The following CHST8 variants were observed in gnomAD, a reference collection of about 807,000 sequenced individuals.
CHST8 encodes GALNAC-4-ST1.
In CHST8, 10 loss-of-function variants were observed where a neutral mutation model predicts 15.0. The ratio of observed to expected loss-of-function variants is 0.67; its 90% CI spans 0.41 to 1.13. The LOEUF is 1.13. CHST8 is among the 50% of genes most tolerant of loss of function. CHST8 has a pLI of 0.00. For synonymous variants in CHST8, 259 were observed against 256.6 expected (o/e 1.01, Z -0.09); for missense variants, 634 against 608.2 (o/e 1.04, Z -0.45).
intron 1 of CHST8, among the ~76,000 whole-genome samples, chr19:33,653,542 C>CA (rs1972474702): frequency 6.6e-6 from 1 of 152,276 alleles, no homozygotes; most frequent in South Asian, 2.1e-4. Context: ...ATCATCTCTT[C>CA]AAATAGTTCC....
chr19:33,765,053 C>CATAT lies in CHST8; in HGVS notation c.131-6343_131-6340dup, dbSNP rs72103213. Among the ~76,000 whole-genome samples the CATAT allele has an allele frequency of 1.5e-3, 134 of 87,658 alleles. 16 individuals carry two copies. Among genetic ancestry groups the CATAT allele is most frequent in the Middle Eastern group, 4.5e-3 (1 of 222 alleles). The allele number at this position is 87,658 out of a possible 152,430, so 57.5% of individuals were successfully genotyped here. A position where few individuals can be genotyped will look rare whatever the true frequency, so the allele number is the denominator to read the frequency against. ...TTTTTATGGCTAAGTACTATTCCAT[C>CATAT]ATATATATATATATATATATCAGAG... On this transcript the variant is annotated intron_variant, in intron 3 of 4. Coordinates refer to ENST00000650847, the MANE Select transcript of CHST8 (RefSeq NM_001127895.2).
chr19:33,745,025 G>A (rs1385798674), intron 3 of CHST8, among the ~76,000 whole-genome samples: 1 of 152,202 alleles, frequency 6.6e-6, no homozygotes, highest in Non-Finnish European at 1.5e-5. Context: ...GGGATTACAG[G>A]CATGAGCCAC....
At chr19:33,669,693 C>T (rs1972710809) in intron 2 of CHST8, among the ~76,000 whole-genome samples, 1 of 152,114 alleles carries the variant, frequency 6.6e-6, no homozygotes, top group South Asian at 2.1e-4. Flanking sequence ...CTTAACTTGG[C>T]AAAGAAACTG....
chr19:33,675,484 G>C (rs73591044), intron 2 of CHST8, among the ~76,000 whole-genome samples: 1 of 152,200 alleles, frequency 6.6e-6, no homozygotes, highest in South Asian at 2.1e-4. Context: ...TGATGAGCTG[G>C]GTTTTCTGTT....
At chr19:33,650,485 T>C (rs1403358417) in intron 1 of CHST8, among the ~76,000 whole-genome samples, 2 of 148,630 alleles carry the variant, frequency 1.3e-5, no homozygotes, top group African/African-American at 2.5e-5. Flanking sequence ...AAGTTTCTTT[T>C]TTTTCTTTTC....
intron 3 of CHST8, among the ~76,000 whole-genome samples, chr19:33,757,466 GAAAGAAA>G (rs1974591377): frequency 1.8e-4 from 7 of 39,648 alleles, no homozygotes; most frequent in Non-Finnish European, 2.6e-4. Flanking sequence ...AAGAAAGAAA[GAAAGAAA>G]GAAAGAAAGA....
chr19:33,698,803 G>A (rs1973273559), intron 3 of CHST8, among the ~76,000 whole-genome samples: 1 of 152,126 alleles, frequency 6.6e-6, no homozygotes, highest in South Asian at 2.1e-4. Flanking sequence ...ACAGAATGAA[G>A]GACCAGGCAA....
intron 2 of CHST8, among the ~76,000 whole-genome samples, chr19:33,671,642 C>T (rs1276841049): frequency 2.0e-5 from 3 of 152,134 alleles, no homozygotes; most frequent in South Asian, 2.1e-4. Flanking sequence ...CCTTGGTTCA[C>T]ATGTTGCCTT....
chr19:33,760,978 A>G (rs954329848), intron 3 of CHST8, among the ~76,000 whole-genome samples: 1 of 152,308 alleles, frequency 6.6e-6, no homozygotes. Flanking sequence ...TGCTCCATCA[A>G]TGTGAAGTGA....
At chr19:33,756,398 A>T (rs1974547896) in intron 3 of CHST8, among the ~76,000 whole-genome samples, 1 of 152,124 alleles carries the variant, frequency 6.6e-6, no homozygotes, top group African/African-American at 2.4e-5. Flanking sequence ...GCTAATGGAC[A>T]GTTTCACCCA....
In CHST8 at chr19:33,773,151, G is replaced by T; in HGVS notation, c.*88G>T. On this transcript the variant is annotated 3_prime_UTR_variant, in exon 5 of 5. Coordinates refer to ENST00000650847, the MANE Select transcript of CHST8 (RefSeq NM_001127895.2). ...TCCTGTCCCTGGCTCCTCATCCTGG[G>T]AGCAACAGGGCTCTGAGGACGTGAG... The T allele has an allele frequency of 7.1e-7, 1 of 1,399,360 alleles. No homozygotes were observed. The highest frequency in any genetic ancestry group is 9.5e-7 in the Non-Finnish European group (1 of 1,051,652). 86.7% of individuals were successfully genotyped at this position (1,399,360 alleles called of 1,614,324 possible).
At chr19:33,648,267 C>T (rs1270587326) in intron 1 of CHST8, among the ~76,000 whole-genome samples, 15 of 152,186 alleles carry the variant, frequency 9.9e-5, no homozygotes, top group Admixed American at 9.8e-4. Flanking sequence ...CATTCACCCA[C>T]CTGAAGTGTG....
intron 1 of CHST8, among the ~76,000 whole-genome samples, chr19:33,625,958 G>T (rs1020018361): frequency 3.3e-5 from 5 of 152,168 alleles, no homozygotes; most frequent in African/African-American, 1.2e-4. Flanking sequence ...TGAGCAATCT[G>T]CATGGTGACA....
intron 1 of CHST8, among the ~76,000 whole-genome samples, chr19:33,627,773 T>C (rs1400106155): frequency 6.6e-6 from 1 of 152,202 alleles, no homozygotes; most frequent in Non-Finnish European, 1.5e-5. Flanking sequence ...TCCCTCGCCC[T>C]GCCCCTGCAT....
chr19:33,682,187 G>GTTTTTTTTTTT (rs869056900), intron 2 of CHST8, among the ~76,000 whole-genome samples: 7 of 95,268 alleles, frequency 7.3e-5, no homozygotes, highest in Admixed American at 1.3e-4. Context: ...TTTTGTTGTT[G>GTTTTTTTTTTT]TTTTTTTTTT....
chr19:33,702,693 C>T (rs1319084696), intron 3 of CHST8, among the ~76,000 whole-genome samples: 2 of 152,220 alleles, frequency 1.3e-5, no homozygotes, highest in East Asian at 1.9e-4. Context: ...AGAGGACCCC[C>T]GAGGGGGATG....
intron 1 of CHST8, among the ~76,000 whole-genome samples, chr19:33,642,401 C>T (rs914167999): frequency 2.0e-5 from 3 of 151,972 alleles, no homozygotes; most frequent in Non-Finnish European, 2.9e-5. Context: ...GGGTCTCTGT[C>T]GCCCAGGCTG....
chr19:33,656,297 A>C (rs1404903759), intron 1 of CHST8, among the ~76,000 whole-genome samples: 1 of 152,154 alleles, frequency 6.6e-6, no homozygotes, highest in Non-Finnish European at 1.5e-5. Flanking sequence ...ACCACTAAAG[A>C]AGGGAAAAAG....
chr19:33,668,027 A>G (rs1037976255), intron 2 of CHST8, among the ~76,000 whole-genome samples, 184 bp downstream of exon 2: 1 of 152,202 alleles, frequency 6.6e-6, no homozygotes, highest in African/African-American at 2.4e-5. Context: ...TCCTAAAACA[A>G]CAGGGCCTGA....
Sources: gnomAD v4.1 joint callset for allele counts (sites outside exome capture counted in the v4.1 genomes callset) on GRCh38, gnomAD v4.1.1 for gene constraint, MANE v1.5 for transcripts, NCBI Gene and HGNC (gene_info 2026-07-23, HGNC 2026-07-21) for gene names.